Variants in DAGLA observed in about 807,000 individuals in gnomAD.
The protein encoded by DAGLA is diacylglycerol lipase-alpha.
DAGLA carries 22 observed loss-of-function variants against 102.6 expected under a neutral mutation model. That is an observed-to-expected ratio of 0.21 (90% CI 0.15 to 0.31). The LOEUF is 0.31. Ranked by LOEUF, DAGLA falls within the 10% of genes least tolerant of loss-of-function variation. DAGLA has a pLI of 1.00. For synonymous variants in DAGLA, 578 were observed against 628.9 expected (o/e 0.92, Z 1.21); for missense variants, 927 against 1,446.6 (o/e 0.64, Z 5.83).
chr11:61,706,746 C>A (rs1183915084), intron 1 of DAGLA, among the ~76,000 whole-genome samples: 1 of 152,334 alleles, frequency 6.6e-6, no homozygotes, highest in South Asian at 2.1e-4. Context: ...TACCACCACC[C>A]CCACCCCAGA....
rs1374541776 is a variant in DAGLA at position 61,737,211 on chromosome 11, T to C, written c.1401T>C (p.Ile467=). ...LGRGTKHYGL[I]VVGHSLGAGT... is the part of the protein sequence containing the mutation. ...GCGGAACCAAACACTACGGCCTGATTGTGGTGGGCCACTCCCTGGGCGCGG... is the reference window on the plus strand; with the variant it reads ...GCGGAACCAAACACTACGGCCTGATCGTGGTGGGCCACTCCCTGGGCGCGG... The change falls in exon 14 of 20, where the codon ATT becomes ATC. Residue 467 remains isoleucine, a synonymous_variant. Coordinates refer to ENST00000257215, the MANE Select transcript of DAGLA (RefSeq NM_006133.3). 1 of 1,613,580 alleles carries C rather than the reference T, an allele frequency of 6.2e-7. No individual in the cohort carries two copies. Among genetic ancestry groups the C allele is most frequent in the Non-Finnish European group, 8.5e-7 (1 of 1,180,016 alleles).
At chr11:61,712,771 A>T (rs2065205618) in intron 1 of DAGLA, among the ~76,000 whole-genome samples, 1 of 152,178 alleles carries the variant, frequency 6.6e-6, no homozygotes, top group Non-Finnish European at 1.5e-5. Context: ...CACTGGGAAG[A>T]AGGGGAAGGT....
intron 19 of DAGLA, 60 bp downstream of exon 19, chr11:61,741,409 T>C (rs1466438882): frequency 2.6e-6 from 4 of 1,532,960 alleles, no homozygotes; most frequent in Non-Finnish European, 3.5e-6. Flanking sequence ...GCACATAGAC[T>C]TGTGTGCACA....
chr11:61,719,165 T>C (rs1591040438), intron 1 of DAGLA, among the ~76,000 whole-genome samples: 1 of 152,322 alleles, frequency 6.6e-6, no homozygotes, highest in East Asian at 1.9e-4. Flanking sequence ...GCTTCCTTTC[T>C]CTTTGGGATG....
At chr11:61,689,457 C>T (rs1365909844) in intron 1 of DAGLA, among the ~76,000 whole-genome samples, 1 of 150,974 alleles carries the variant, frequency 6.6e-6, no homozygotes, top group African/African-American at 2.4e-5. Context: ...TATATGAGAC[C>T]ACTACTACTT....
chr11:61,714,338 C>G (rs931224983), intron 1 of DAGLA, among the ~76,000 whole-genome samples: 1 of 152,164 alleles, frequency 6.6e-6, no homozygotes, highest in African/African-American at 2.4e-5. Flanking sequence ...CTCTCTGGAT[C>G]TGTCTGAGAG....
intron 12 of DAGLA, among the ~76,000 whole-genome samples, 192 bp downstream of exon 12, chr11:61,736,008 G>A (rs969665323): frequency 5.3e-5 from 8 of 152,174 alleles, no homozygotes; most frequent in African/African-American, 1.7e-4. Flanking sequence ...ACAGCCCAGA[G>A]CCTGACCATG....
chr11:61,734,843 C>T lies in DAGLA; in HGVS notation c.975-6C>T, dbSNP rs1274309971. ...GGCCCTGAACTCTCTTGTCACCCCACCCTAGGTGTTGCCTGTGTCCTGCGA... is the reference window on the plus strand; with the variant it reads ...GGCCCTGAACTCTCTTGTCACCCCATCCTAGGTGTTGCCTGTGTCCTGCGA... On this transcript the variant is annotated splice_polypyrimidine_tract_variant and splice_region_variant and intron_variant, in intron 9 of 19. Transcript: ENST00000257215. The surrounding 1 kb of genome is among the most constrained non-coding windows in gnomAD (Gnocchi z 4.2). 2 of 1,611,714 alleles carry T rather than the reference C, an allele frequency of 1.2e-6. No homozygotes were observed. The highest frequency in any genetic ancestry group is 1.3e-5 in the African/African-American group (1 of 74,882).
At chr11:61,738,825 C>T (rs2065449476) in intron 16 of DAGLA, among the ~76,000 whole-genome samples, 1 of 152,150 alleles carries the variant, frequency 6.6e-6, no homozygotes, top group Admixed American at 6.5e-5. Context: ...CTCCTCACCC[C>T]CTGCCCCCCG....
intron 9 of DAGLA, among the ~76,000 whole-genome samples, chr11:61,732,793 G>A (rs2065387048): frequency 6.6e-6 from 1 of 152,198 alleles, no homozygotes; most frequent in African/African-American, 2.4e-5. Flanking sequence ...GCCCCAGCCT[G>A]TCCATAACAG....
At position 61,728,207 on chromosome 11, in the gene DAGLA, A is replaced by G; in HGVS notation, c.691A>G (p.Ile231Val). ...TGCGGAGTTCTTCCGGGACCTTGAC[A>G]TTGTGCCATCCGACATCATTGCTGG... ...LFAEFFRDLD[I>V]VPSDIIAGLV... is the part of the protein sequence containing the mutation. Residue 231 changes from isoleucine to valine, a missense_variant, in exon 7 of 20, where the codon ATT (isoleucine) becomes GTT (valine). Ile to Val is a conservative substitution (Grantham distance 29). This residue lies in a region of DAGLA where 231 missense variants were observed against 439.8 expected (regional missense o/e 0.53). Transcript: ENST00000257215. 1 of 1,614,064 alleles carries G rather than the reference A, an allele frequency of 6.2e-7. No homozygotes were observed. The highest frequency in any genetic ancestry group is 2.2e-5 in the East Asian group (1 of 44,876).
chr11:61,713,662 C>G (rs781592724), intron 1 of DAGLA, among the ~76,000 whole-genome samples: 1 of 152,210 alleles, frequency 6.6e-6, no homozygotes, highest in Non-Finnish European at 1.5e-5. Context: ...GCCAGCCCAG[C>G]GAGGCCAGAC....
chr11:61,736,415 G>A (rs2065423539), intron 13 of DAGLA, 65 bp downstream of exon 13: 1 of 1,309,346 alleles, frequency 7.6e-7, no homozygotes, highest in Non-Finnish European at 1.1e-6. Flanking sequence ...ACGCAGCACA[G>A]AGAGGAGAGG....
chr11:61,726,044 G>C lies in DAGLA; in HGVS notation c.598G>C (p.Val200Leu). The change falls in exon 6 of 20, where the codon GTG becomes CTG. Residue 200 changes from valine to leucine, a missense_variant. By Grantham distance (32) the Val-to-Leu change is conservative (BLOSUM62 1). Around this residue, in one of 4 missense-constraint regions of DAGLA, gnomAD observed 231 missense variants for 439.8 expected, o/e 0.53. Transcript: ENST00000257215. ...QATSWSRRLK[V>L]FLCCTRTKDS... Reference sequence around the variant, plus strand: ...CACCAGCTGGTCGCGCCGGCTCAAAGTGTTCCTCTGCTGCACGCGGACGAA... The same window carrying C: ...CACCAGCTGGTCGCGCCGGCTCAAACTGTTCCTCTGCTGCACGCGGACGAA... The C allele has an allele frequency of 1.2e-6, 2 of 1,613,344 alleles. No homozygotes were observed. The highest frequency in any genetic ancestry group is 1.7e-6 in the Non-Finnish European group (2 of 1,180,034).
intron 5 of DAGLA, 130 bp downstream of exon 5, chr11:61,723,702 TAGTC>T: frequency 2.5e-6 from 3 of 1,187,368 alleles, no homozygotes; most frequent in Non-Finnish European, 3.5e-6. Context: ...CCGTGGGCAT[TAGTC>T]AAAGGGCTTA....
At position 61,740,833 on chromosome 11, in the gene DAGLA, C is replaced by G. The variant is rs558448339; in HGVS notation, c.1983+241C>G. 4.6e-5 allele frequency among the ~76,000 whole-genome samples: 7 copies of G among 152,318 alleles called. No individual in the cohort carries two copies. In the South Asian group the frequency reaches 1.5e-3, roughly 32 times the overall value. On this transcript the variant is annotated intron_variant, in intron 18 of 19. Coordinates refer to ENST00000257215, the MANE Select transcript of DAGLA (RefSeq NM_006133.3). ...TAAGGAGACTCCCAGGGGCCTGTCC[C>G]TGAGGCAGGCTCAGCTCAGAGGCCC... is the stretch of plus-strand genomic sequence containing the variant.
At chr11:61,721,537 C>T (rs1047238274) in intron 3 of DAGLA, among the ~76,000 whole-genome samples, 11 of 152,236 alleles carry the variant, frequency 7.2e-5, no homozygotes, top group Non-Finnish European at 1.5e-4. Flanking sequence ...TGCTCTCTGG[C>T]CCTTTACAGG....
chr11:61,695,069 C>G (rs1316167228), intron 1 of DAGLA, among the ~76,000 whole-genome samples: 1 of 152,190 alleles, frequency 6.6e-6, no homozygotes, highest in Admixed American at 6.5e-5. Context: ...TTTTTCCTAG[C>G]CCAGGGAGCC....
chr11:61,709,692 C>T (rs2065178025), intron 1 of DAGLA, among the ~76,000 whole-genome samples: 1 of 152,124 alleles, frequency 6.6e-6, no homozygotes, highest in African/African-American at 2.4e-5. Flanking sequence ...GCAGGTGCCA[C>T]CTCCCTCTCC....
Sources: gnomAD v4.1 joint callset for allele counts (sites outside exome capture counted in the v4.1 genomes callset) on GRCh38, gnomAD v4.1.1 for gene constraint, gnomAD v4.1.1 regional missense constraint, Gnocchi (gnomAD v3.1) non-coding constraint, MANE v1.5 for transcripts, NCBI Gene and HGNC (gene_info 2026-07-23, HGNC 2026-07-21) for gene names.